SLAIN2: variants seen among roughly 807,000 people sequenced by gnomAD.
The protein encoded by SLAIN2 is SLAIN motif-containing protein 2.
In SLAIN2, 31 loss-of-function variants were observed where a neutral mutation model predicts 56.6. That is an observed-to-expected ratio of 0.55 (90% CI 0.41 to 0.74). The LOEUF (loss-of-function observed/expected upper bound fraction) is 0.74, where lower values mean the gene tolerates loss of function less well. Among genes scored for constraint, SLAIN2 ranks in the 30% least tolerant of loss-of-function variants. SLAIN2 has a pLI of 0.00. For synonymous variants in SLAIN2, 317 were observed against 284.9 expected, an observed-to-expected ratio of 1.11 and a Z score of -1.13; for missense variants, 777 against 754.2, an observed-to-expected ratio of 1.03 and a Z score of -0.35.
At chr4:48,389,932 T>C (rs1716192649) in intron 6 of SLAIN2, among the ~76,000 whole-genome samples, 1 of 152,130 alleles carries the variant, frequency 6.6e-6, no homozygotes, top group South Asian at 2.1e-4. Context: ...CACTCTGATA[T>C]CAGTGTGGAG....
At chr4:48,386,838 T>G (rs1716114274) in intron 6 of SLAIN2, among the ~76,000 whole-genome samples, 1 of 152,008 alleles carries the variant, frequency 6.6e-6, no homozygotes, top group South Asian at 2.1e-4. Flanking sequence ...CCTGACACAT[T>G]TGGCTGATGC....
chr4:48,418,070 ATTATTT>A (rs1717043694), intron 6 of SLAIN2, among the ~76,000 whole-genome samples: 1 of 138,858 alleles, frequency 7.2e-6, no homozygotes, highest in African/African-American at 2.6e-5. Flanking sequence ...GCCTTTTATT[ATTATTT>A]CTTCTTCTTC....
At chr4:48,408,899 A>G (rs958477347) in intron 6 of SLAIN2, among the ~76,000 whole-genome samples, 3 of 151,938 alleles carry the variant, frequency 2.0e-5, no homozygotes, top group African/African-American at 7.3e-5. Context: ...GATGTACCAT[A>G]TTTTGTCTTT....
intron 2 of SLAIN2, among the ~76,000 whole-genome samples, chr4:48,370,553 AT>A (rs1715636649): frequency 6.6e-6 from 1 of 152,232 alleles, no homozygotes; most frequent in African/African-American, 2.4e-5. Context: ...GAGTAAATGT[AT>A]TCATTTCCCT....
intron 6 of SLAIN2, among the ~76,000 whole-genome samples, chr4:48,386,519 T>C (rs1716105551): frequency 6.6e-6 from 1 of 152,242 alleles, no homozygotes; most frequent in Non-Finnish European, 1.5e-5. Flanking sequence ...TTTAAAATTC[T>C]AACGTTTAAA....
At chr4:48,404,105 G>A (rs1266178235) in intron 6 of SLAIN2, among the ~76,000 whole-genome samples, 1 of 152,092 alleles carries the variant, frequency 6.6e-6, no homozygotes, top group Admixed American at 6.6e-5. Context: ...CGCCTAGTCA[G>A]TCCCAGTGCG....
At chr4:48,387,434 G>T (rs1052397202) in intron 6 of SLAIN2, 5 of 151,898 alleles carry the variant, frequency 3.3e-5, no homozygotes, top group Admixed American at 2.6e-4. Flanking sequence ...AACACAATGG[G>T]ATTCCAATCA....
At chr4:48,403,482 G>T (rs769996439) in intron 6 of SLAIN2, among the ~76,000 whole-genome samples, 2 of 152,150 alleles carry the variant, frequency 1.3e-5, no homozygotes, top group Non-Finnish European at 2.9e-5. Flanking sequence ...GTCTGGCCAC[G>T]ATCTGGCACA....
chr4:48,357,377 T>C (rs1380911446), intron 1 of SLAIN2, among the ~76,000 whole-genome samples: 1 of 90,210 alleles, frequency 1.1e-5, no homozygotes, highest in Admixed American at 1.0e-4. Flanking sequence ...ATTTAAGTCT[T>C]TTTTTTTTTC....
rs75114696 is a variant in SLAIN2, at chr4:48,411,033, G to T, written c.1361-9092G>T. 1.6e-3 allele frequency among the ~76,000 whole-genome samples: 240 copies of T among 152,162 alleles called. 7 individuals carry two copies. The East Asian group carries it at 0.044, about 28-fold the overall frequency. ...CCCCAAGTCCCAGCTTAGGACCCCTGACCGTGAATACTTGAAGCAATTGTG... is the reference window on the plus strand; with the variant it reads ...CCCCAAGTCCCAGCTTAGGACCCCTTACCGTGAATACTTGAAGCAATTGTG... On this transcript the variant is annotated intron_variant, in intron 6 of 7. Transcript: ENST00000264313.
At chr4:48,377,519 C>T (rs1029524881) in intron 2 of SLAIN2, among the ~76,000 whole-genome samples, 2 of 151,912 alleles carry the variant, frequency 1.3e-5, no homozygotes, top group African/African-American at 4.8e-5. Context: ...ACATTTGTTA[C>T]AGAAAAATGA....
chr4:48,364,945 G>A (rs1715471247), intron 1 of SLAIN2, among the ~76,000 whole-genome samples: 1 of 151,766 alleles, frequency 6.6e-6, no homozygotes, highest in African/African-American at 2.4e-5. Context: ...TCTTTTATAA[G>A]TCTATTCAGG....
chr4:48,351,275 A>G (rs946587080), intron 1 of SLAIN2, among the ~76,000 whole-genome samples: 3 of 152,244 alleles, frequency 2.0e-5, no homozygotes, highest in Non-Finnish European at 2.9e-5. Flanking sequence ...TTTAGTATGC[A>G]TTTAATACCT....
intron 1 of SLAIN2, among the ~76,000 whole-genome samples, chr4:48,358,201 A>G (rs7658538): frequency 2.6e-5 from 4 of 152,220 alleles, no homozygotes; most frequent in African/African-American, 7.2e-5. Context: ...TACATATCTT[A>G]TAATTTTGTA....
chr4:48,420,002 C>A, intron 6 of SLAIN2, 123 bp from the exon 7 acceptor site: 3 of 923,116 alleles, frequency 3.2e-6, no homozygotes, highest in Non-Finnish European at 4.9e-6. Flanking sequence ...TTATTGTTTG[C>A]ATTGCTGTGA....
At chr4:48,419,080 T>C (rs539406212) in intron 6 of SLAIN2, among the ~76,000 whole-genome samples, 2 of 151,564 alleles carry the variant, frequency 1.3e-5, no homozygotes, top group South Asian at 2.1e-4. Context: ...GTCAAGTCTT[T>C]GTGTGGACAT....
At chr4:48,376,878 T>TGG (rs1394588797) in intron 2 of SLAIN2, among the ~76,000 whole-genome samples, 2 of 149,480 alleles carry the variant, frequency 1.3e-5, no homozygotes, top group Non-Finnish European at 3.0e-5. Context: ...CCCAAAGTGC[T>TGG]GGGATTACAA....
At chr4:48,396,308 T>C (rs1476760823) in intron 6 of SLAIN2, among the ~76,000 whole-genome samples, 1 of 152,166 alleles carries the variant, frequency 6.6e-6, no homozygotes, top group African/African-American at 2.4e-5. Flanking sequence ...TATTCTGTTT[T>C]GTTTAATCCC....
chr4:48,356,394 A>G (rs1435859026), intron 1 of SLAIN2, among the ~76,000 whole-genome samples: 2 of 152,000 alleles, frequency 1.3e-5, no homozygotes, highest in East Asian at 1.9e-4. Context: ...AAAGATCTGT[A>G]CTAGTAGCTG....
Sources: allele counts gnomAD v4.1 joint callset (sites outside exome capture counted in the v4.1 genomes callset), GRCh38; gene constraint gnomAD v4.1.1; transcripts MANE v1.5; gene names NCBI Gene and HGNC (gene_info 2026-07-23, HGNC 2026-07-21).